Variants in EIF3H observed in about 807,000 individuals in gnomAD.
EIF3H encodes the protein eIF-3-gamma.
In EIF3H, 26 loss-of-function variants were observed where a neutral mutation model predicts 44.2. The observed-to-expected ratio is 0.59, with a 90% CI of 0.43 to 0.82. The LOEUF is 0.82. Among genes scored for constraint, EIF3H ranks in the 40% least tolerant of loss-of-function variants. EIF3H has a pLI of 0.00. For missense variants in EIF3H, 359 were observed against 432.8 expected, an observed-to-expected ratio of 0.83 and a Z score of 1.51; for synonymous variants, 166 against 151.9, an observed-to-expected ratio of 1.09 and a Z score of -0.68.
chr8:116,682,006 C>T (rs1813998137), intron 2 of EIF3H, among the ~76,000 whole-genome samples: 1 of 152,120 alleles, frequency 6.6e-6, no homozygotes, highest in Non-Finnish European at 1.5e-5. Flanking sequence ...AGAGGTAAAC[C>T]AGATGTTCCT....
At chr8:116,692,834 C>CAAA (rs956534177) in intron 2 of EIF3H, among the ~76,000 whole-genome samples, 2 of 152,134 alleles carry the variant, frequency 1.3e-5, no homozygotes, top group African/African-American at 4.8e-5. Context: ...AGCTGGTTTT[C>CAAA]ACAATCTGTT....
chr8:116,759,424 C>G (rs555329215), upstream of EIF3H, among the ~76,000 whole-genome samples: 4 of 152,296 alleles, frequency 2.6e-5, 1 homozygote, highest in African/African-American at 9.6e-5. Context: ...CATAATAACT[C>G]TACCCACTAG....
chr8:116,676,310 G>A (rs1478338983), intron 2 of EIF3H, among the ~76,000 whole-genome samples: 1 of 152,228 alleles, frequency 6.6e-6, no homozygotes, highest in Non-Finnish European at 1.5e-5. Context: ...CCTGAGACTA[G>A]GCTGTGTAAT....
At chr8:116,728,745 C>T (rs1814898580) in intron 1 of EIF3H, among the ~76,000 whole-genome samples, 1 of 152,100 alleles carries the variant, frequency 6.6e-6, no homozygotes, top group South Asian at 2.1e-4. Flanking sequence ...ATGAGTCATA[C>T]AAGTATGGGT....
chr8:116,731,227 A>G (rs1814945259), intron 1 of EIF3H, among the ~76,000 whole-genome samples: 1 of 152,200 alleles, frequency 6.6e-6, no homozygotes, highest in South Asian at 2.1e-4. Context: ...AGCTTTTTTT[A>G]GATAAATGAA....
At chr8:116,686,539 T>C (rs1438542518) in intron 2 of EIF3H, among the ~76,000 whole-genome samples, 1 of 151,950 alleles carries the variant, frequency 6.6e-6, no homozygotes, top group African/African-American at 2.4e-5. Flanking sequence ...AGCACTTAGC[T>C]CTGTTTCTAG....
At chr8:116,733,899 C>CA (rs1241848738) in intron 1 of EIF3H, among the ~76,000 whole-genome samples, 2 of 151,774 alleles carry the variant, frequency 1.3e-5, no homozygotes, top group African/African-American at 2.4e-5. Context: ...TCTACATTTT[C>CA]AAAAAAAATT....
intron 1 of EIF3H, among the ~76,000 whole-genome samples, 157 bp downstream of exon 1, chr8:116,755,509 T>C (rs1815424916): frequency 6.6e-6 from 1 of 152,134 alleles, no homozygotes; most frequent in Non-Finnish European, 1.5e-5. Flanking sequence ...TCGAAGCTCC[T>C]GAACAAAAAG....
At chr8:116,645,720 T>C (rs978190616) in intron 7 of EIF3H, among the ~76,000 whole-genome samples, 1 of 152,196 alleles carries the variant, frequency 6.6e-6, no homozygotes, top group African/African-American at 2.4e-5. Context: ...TGGGAAGGAA[T>C]TGTGTCTCAT....
intron 1 of EIF3H, among the ~76,000 whole-genome samples, chr8:116,752,783 GGGAGGGAGGGAGGGAAGGAAGGAAGGAA>G (rs1322250310): frequency 2.8e-5 from 1 of 35,926 alleles, no homozygotes; most frequent in East Asian, 5.3e-4. Flanking sequence ...GAGGGAGGGA[GGGAGGGAGGGAGGGAAGGAAGGAAGGAA>G]GGAAGGAAGG....
chr8:116,716,830 C>T (rs974205212), intron 2 of EIF3H, among the ~76,000 whole-genome samples: 3 of 152,034 alleles, frequency 2.0e-5, no homozygotes, highest in Admixed American at 2.0e-4. Context: ...CATTTATTAA[C>T]ATTTCACTTT....
chr8:116,733,209 GA>G (rs1814980743), intron 1 of EIF3H, among the ~76,000 whole-genome samples: 1 of 152,212 alleles, frequency 6.6e-6, no homozygotes, highest in Non-Finnish European at 1.5e-5. Flanking sequence ...ATGCACAGGA[GA>G]AAGTATTGGA....
Position 116,703,451 on chromosome 8 carries a change from TGACCATCTC to T in EIF3H, c.289+22556_289+22564del, listed in dbSNP as rs1321117935. ...GCCTGCCCGCAGCCATCCGGAGGCCTGACCATCTCCCTGTGATGCTGTGCTTCAGCGGTC... is the reference window on the plus strand; with the variant it reads ...GCCTGCCCGCAGCCATCCGGAGGCCTCCTGTGATGCTGTGCTTCAGCGGTC... On this transcript the variant is annotated intron_variant, in intron 2 of 7. Coordinates refer to ENST00000521861, the MANE Select transcript of EIF3H (RefSeq NM_003756.3). Among the ~76,000 whole-genome samples the T allele has an allele frequency of 7.9e-5, 12 of 152,328 alleles. No individual in the cohort carries two copies. The South Asian group carries it at 1.7e-3, about 21-fold the overall frequency.
intron 5 of EIF3H, among the ~76,000 whole-genome samples, chr8:116,652,159 T>C (rs552061800): frequency 2.0e-5 from 3 of 152,290 alleles, no homozygotes; most frequent in Admixed American, 6.5e-5. Context: ...AGAAGAGCTA[T>C]AGTTTCACAG....
chr8:116,652,604 A>T (rs533976342), intron 5 of EIF3H, among the ~76,000 whole-genome samples: 1 of 152,314 alleles, frequency 6.6e-6, no homozygotes. Flanking sequence ...AGAAAGAAAA[A>T]GTGTTTACGT....
At chr8:116,750,796 A>G (rs1322772471) in intron 1 of EIF3H, among the ~76,000 whole-genome samples, 1 of 152,198 alleles carries the variant, frequency 6.6e-6, no homozygotes, top group Non-Finnish European at 1.5e-5. Flanking sequence ...GAAAGGAAAT[A>G]AACCTGAACA....
At chr8:116,665,205 A>C (rs565057844) in intron 2 of EIF3H, among the ~76,000 whole-genome samples, 4 of 152,362 alleles carry the variant, frequency 2.6e-5, no homozygotes, top group Non-Finnish European at 5.9e-5. Flanking sequence ...ACAAATTTCT[A>C]GGTTTCCAGA....
intron 1 of EIF3H, among the ~76,000 whole-genome samples, chr8:116,727,478 T>A (rs1814865800): frequency 6.6e-6 from 1 of 152,222 alleles, no homozygotes; most frequent in Non-Finnish European, 1.5e-5. Context: ...TTGACTGATA[T>A]CATAACACAC....
At chr8:116,696,295 C>T (rs1814267756) in intron 2 of EIF3H, among the ~76,000 whole-genome samples, 1 of 152,216 alleles carries the variant, frequency 6.6e-6, no homozygotes, top group African/African-American at 2.4e-5. Context: ...TGGGATTCCA[C>T]TGATCAAACT....
Sources: allele counts gnomAD v4.1 joint callset (sites outside exome capture counted in the v4.1 genomes callset), GRCh38; gene constraint gnomAD v4.1.1; transcripts MANE v1.5; gene names NCBI Gene and HGNC (gene_info 2026-07-23, HGNC 2026-07-21).